Variants in MGAT5B observed in about 807,000 individuals in gnomAD.
MGAT5B encodes alpha-1,6-mannosylglycoprotein 6-beta-N-acetylglucosaminyltransferase B, also known as N-acetylglucosaminyl-transferase Vb.
MGAT5B carries 54 observed loss-of-function variants against 95.1 expected under a neutral mutation model. The observed-to-expected ratio is 0.57, with a 90% CI of 0.46 to 0.71. The LOEUF is 0.71. Ranked by LOEUF, MGAT5B falls within the 30% of genes least tolerant of loss-of-function variation. The pLI is 0.00. For missense variants in MGAT5B, 935 were observed against 1,088.6 expected, an observed-to-expected ratio of 0.86 and a Z score of 1.99; for synonymous variants, 464 against 451.0, an observed-to-expected ratio of 1.03 and a Z score of -0.36.
chr17:76,882,407 A>T (rs1172467699), intron 3 of MGAT5B, 109 bp downstream of exon 3: 2 of 1,364,248 alleles, frequency 1.5e-6, no homozygotes, highest in Non-Finnish European at 2.0e-6. Context: ...GAAGATTTGG[A>T]CCACACTGTG....
intron 8 of MGAT5B, among the ~76,000 whole-genome samples, chr17:76,907,210 C>T (rs1598941851): frequency 6.6e-6 from 1 of 152,126 alleles, no homozygotes; most frequent in East Asian, 1.9e-4. Context: ...GCCGCCACGC[C>T]AGGCTAATTT....
intron 9 of MGAT5B, among the ~76,000 whole-genome samples, chr17:76,925,637 A>G (rs1969289402): frequency 6.6e-6 from 1 of 152,022 alleles, no homozygotes; most frequent in Admixed American, 6.5e-5. Context: ...ATCCCACATG[A>G]TTTTATTAGG....
intron 5 of MGAT5B, among the ~76,000 whole-genome samples, chr17:76,903,789 C>T (rs112431982): frequency 0.01 from 1,567 of 152,332 alleles, 36 homozygotes; most frequent in African/African-American, 0.036. Flanking sequence ...TTCTGAACGC[C>T]CTAAGGGGTG....
At chr17:76,926,820 C>G in intron 10 of MGAT5B, 90 bp downstream of exon 10, 1 of 1,476,244 alleles carries the variant, frequency 6.8e-7, no homozygotes, top group South Asian at 1.3e-5. Context: ...CTCGCTCCTC[C>G]CTCTCTTTCC....
intron 15 of MGAT5B, among the ~76,000 whole-genome samples, chr17:76,942,393 C>T (rs1029226539): frequency 6.6e-6 from 1 of 152,128 alleles, no homozygotes; most frequent in South Asian, 2.1e-4. Flanking sequence ...TTTAGACAGG[C>T]GTGGTGGCAC....
At chr17:76,876,396 CG>C (rs1967192218) in intron 2 of MGAT5B, among the ~76,000 whole-genome samples, 1 of 150,550 alleles carries the variant, frequency 6.6e-6, no homozygotes, top group Non-Finnish European at 1.5e-5. Flanking sequence ...AAGAAATCTG[CG>C]GAGTCTAGAC....
Position 76,948,096 on chromosome 17 carries a change from C to T in MGAT5B, c.2180+10C>T. On this transcript the variant is annotated intron_variant, in intron 17 of 17. Transcript: ENST00000569840. The stretch of plus-strand genomic sequence containing the variant: ...AGGACGCCTTCCTCAAGTGAGTGTT[C>T]CCCCACCCTCCCCACCCAGCCGCTA... 1.3e-6 allele frequency: 2 copies of T among 1,569,412 alleles called. No homozygotes were observed. The highest frequency in any genetic ancestry group is 2.3e-5 in the East Asian group (1 of 44,404).
At chr17:76,890,302 G>A (rs1055524368) in intron 3 of MGAT5B, among the ~76,000 whole-genome samples, 6 of 152,186 alleles carry the variant, frequency 3.9e-5, no homozygotes, top group Non-Finnish European at 8.8e-5. Context: ...GGTCTAACTG[G>A]GACTTCATCC....
intron 2 of MGAT5B, among the ~76,000 whole-genome samples, chr17:76,877,416 G>T (rs556063033): frequency 6.1e-4 from 92 of 151,854 alleles, no homozygotes; most frequent in African/African-American, 2.1e-3. Flanking sequence ...ACAGCTGCAT[G>T]TGTCTACTGG....
chr17:76,898,465 A>T (rs1363716216), intron 3 of MGAT5B, among the ~76,000 whole-genome samples: 1 of 150,810 alleles, frequency 6.6e-6, no homozygotes, highest in Non-Finnish European at 1.5e-5. Context: ...AGTAGCTGGG[A>T]TTACAGGCGC....
intron 2 of MGAT5B, among the ~76,000 whole-genome samples, chr17:76,875,963 C>T (rs892295100): frequency 3.9e-5 from 6 of 151,904 alleles, no homozygotes; most frequent in African/African-American, 7.3e-5. Flanking sequence ...AACTGAAGTC[C>T]GGGAGAAGGA....
rs189354067 is a variant in MGAT5B at position 76,930,831 on chromosome 17, A to G, written c.1292-1814A>G. Among the ~76,000 whole-genome samples, 83 of 152,308 alleles carry G rather than the reference A, an allele frequency of 5.4e-4. 2 individuals are homozygous for G. The East Asian group carries it at 0.015, about 27-fold the overall frequency. On this transcript the variant is annotated intron_variant, in intron 10 of 17. Coordinates refer to ENST00000569840, the MANE Select transcript of MGAT5B (RefSeq NM_001199172.2). This position sits in a 1 kb window ranked among gnomAD's most constrained non-coding sequence, Gnocchi z 4.1. ...CAAAGGGAGGCACAGTCCACCCAAG[A>G]GAAGGCTTCCAGGAGGAGGTGTCGT...
intron 15 of MGAT5B, among the ~76,000 whole-genome samples, chr17:76,944,935 G>A (rs917801515): frequency 7.2e-5 from 11 of 152,328 alleles, no homozygotes; most frequent in Non-Finnish European, 1.5e-4. Context: ...GGCTAAAGAC[G>A]GGAAAGCGGC....
At chr17:76,901,988 C>T (rs1046544668) in intron 3 of MGAT5B, among the ~76,000 whole-genome samples, 3 of 152,144 alleles carry the variant, frequency 2.0e-5, no homozygotes, top group South Asian at 4.1e-4. Context: ...GCACACGTGC[C>T]ATTGTGGGCA....
chr17:76,949,087 C>T lies in MGAT5B; in HGVS notation c.*249C>T. The T allele has an allele frequency of 1.8e-6, 1 of 568,446 alleles. No homozygotes were observed. The highest frequency in any genetic ancestry group is 3.0e-5 in the East Asian group (1 of 33,854). The allele number at this position is 568,446 out of a possible 1,614,324, so 35.2% of individuals were successfully genotyped here. A position where few individuals can be genotyped will look rare whatever the true frequency, so the allele number is the denominator to read the frequency against. On this transcript the variant is annotated 3_prime_UTR_variant, in exon 18 of 18. Transcript: ENST00000569840. ...TGGGGACTCACAGAAGCATCGTGGC[C>T]AAGCAGGTGTCGGACTGCTCAGAGT...
At position 76,915,280 on chromosome 17, in the gene MGAT5B, T is replaced by C. The variant is rs964903976; in HGVS notation, c.1025+9093T>C. Among the ~76,000 whole-genome samples, 13 of 139,124 alleles carry C rather than the reference T, an allele frequency of 9.3e-5. No homozygotes were observed. The highest frequency in any genetic ancestry group is 3.3e-4 in the African/African-American group (12 of 36,054). 91.3% of individuals were successfully genotyped at this position (139,124 alleles called of 152,430 possible). ...AGGGACAGGGACAGCTCTTCTGCCC[T>C]GAGAGGAGAGAAGGAGAAGAGACCA... On this transcript the variant is annotated intron_variant, in intron 8 of 17. Coordinates refer to ENST00000569840, the MANE Select transcript of MGAT5B (RefSeq NM_001199172.2). The surrounding 1 kb of genome is among the most constrained non-coding windows in gnomAD (Gnocchi z 8.7).
Position 76,889,465 on chromosome 17 carries a change from C to T in MGAT5B, c.329+7167C>T, listed in dbSNP as rs1243402002. Reference sequence around the variant, plus strand: ...AGAGCTGTCTGCAAAGCCCTCTGGTCTCAGAAGCTGTCTCGGGCCACCGTG... The same window carrying T: ...AGAGCTGTCTGCAAAGCCCTCTGGTTTCAGAAGCTGTCTCGGGCCACCGTG... On this transcript the variant is annotated intron_variant, in intron 3 of 17. Coordinates refer to ENST00000569840, the MANE Select transcript of MGAT5B (RefSeq NM_001199172.2). This position sits in a 1 kb window ranked among gnomAD's most constrained non-coding sequence, Gnocchi z 4.4. 1.3e-5 allele frequency among the ~76,000 whole-genome samples: 2 copies of T among 152,092 alleles called. No individual in the cohort carries two copies. The highest frequency in any genetic ancestry group is 2.9e-5 in the Non-Finnish European group (2 of 68,002).
At chr17:76,883,937 C>G (rs935672270) in intron 3 of MGAT5B, among the ~76,000 whole-genome samples, 15 of 152,312 alleles carry the variant, frequency 9.8e-5, no homozygotes, top group Admixed American at 7.2e-4. Flanking sequence ...GTGTGGGATC[C>G]GTTGCCATGT....
chr17:76,923,113 G>A (rs1394517493), intron 8 of MGAT5B, among the ~76,000 whole-genome samples: 1 of 152,220 alleles, frequency 6.6e-6, no homozygotes, highest in Non-Finnish European at 1.5e-5. Context: ...TTTGGACGGT[G>A]TGCTAACGGG....
Sources: gnomAD v4.1 joint callset for allele counts (sites outside exome capture counted in the v4.1 genomes callset) on GRCh38, gnomAD v4.1.1 for gene constraint, Gnocchi (gnomAD v3.1) non-coding constraint, MANE v1.5 for transcripts, NCBI Gene and HGNC (gene_info 2026-07-23, HGNC 2026-07-21) for gene names.